KHDRBS2: variants seen among roughly 807,000 people sequenced by gnomAD.
KHDRBS2 encodes the protein KH RNA binding domain containing, signal transduction associated 2, also known as KH domain-containing, RNA-binding, signal transduction-associated protein 2.
Under a neutral mutation model 44.3 loss-of-function variants are expected in KHDRBS2, and 26 were observed. That is an observed-to-expected ratio of 0.59 (90% confidence interval 0.43 to 0.81). KHDRBS2 has a LOEUF of 0.81. Among genes scored for constraint, KHDRBS2 ranks in the 40% least tolerant of loss-of-function variants. The pLI, the probability that KHDRBS2 is intolerant of heterozygous loss-of-function variation, is 0.00. For synonymous variants in KHDRBS2, 194 were observed against 151.1 expected, an observed-to-expected ratio of 1.28 and a Z score of -2.08; for missense variants, 476 against 433.1, an observed-to-expected ratio of 1.10 and a Z score of -0.88.
intron 4 of KHDRBS2, among the ~76,000 whole-genome samples, chr6:61,928,960 G>T (rs1403417081): frequency 6.6e-6 from 1 of 151,980 alleles, no homozygotes; most frequent in Non-Finnish European, 1.5e-5. Flanking sequence ...CTCTTTGGTA[G>T]TGAAATTTGA....
intron 6 of KHDRBS2, among the ~76,000 whole-genome samples, chr6:61,807,013 T>G (rs1787271073): frequency 1.3e-5 from 2 of 152,040 alleles, no homozygotes; most frequent in Non-Finnish European, 2.9e-5. Flanking sequence ...TGAAACATAT[T>G]TTACTTTGTG....
the KHDRBS2 span, among the ~76,000 whole-genome samples, chr6:61,555,772 A>AC: frequency 6.6e-6 from 1 of 151,114 alleles, no homozygotes; most frequent in Non-Finnish European, 1.5e-5. Context: ...CTTCTGGTAG[A>AC]TTGTTTTTTG....
the KHDRBS2 span, among the ~76,000 whole-genome samples, chr6:61,667,153 T>G: frequency 1.3e-5 from 2 of 149,910 alleles, no homozygotes; most frequent in East Asian, 2.0e-4. Flanking sequence ...TTTTTTAAGA[T>G]GGAAGGACAA....
intron 4 of KHDRBS2, among the ~76,000 whole-genome samples, chr6:61,959,557 G>C (rs1010369280): frequency 6.6e-6 from 1 of 152,016 alleles, no homozygotes; most frequent in African/African-American, 2.4e-5. Context: ...AAAGTTAATA[G>C]GTAAGTCAAT....
At chr6:61,672,307 C>T in the KHDRBS2 span, among the ~76,000 whole-genome samples, 7 of 151,900 alleles carry the variant, frequency 4.6e-5, no homozygotes, top group East Asian at 1.9e-4. Context: ...AATAAACATA[C>T]GTGTGCATGT....
intron 6 of KHDRBS2, among the ~76,000 whole-genome samples, chr6:61,815,642 G>T (rs1391030076): frequency 6.6e-6 from 1 of 152,254 alleles, no homozygotes; most frequent in East Asian, 1.9e-4. Flanking sequence ...TGGAAATATG[G>T]CCTCTGTGAA....
the KHDRBS2 span, among the ~76,000 whole-genome samples, chr6:61,556,872 A>ATT: frequency 9.9e-4 from 87 of 87,490 alleles, 1 homozygote; most frequent in African/African-American, 2.6e-3. Context: ...TGAAATTGAG[A>ATT]TTTTTTTTTT....
intron 6 of KHDRBS2, among the ~76,000 whole-genome samples, chr6:61,810,318 T>C (rs1308183598): frequency 6.6e-6 from 1 of 152,008 alleles, no homozygotes; most frequent in Non-Finnish European, 1.5e-5. Flanking sequence ...GGTTGATGTG[T>C]GGTGTTGAGA....
the KHDRBS2 span, among the ~76,000 whole-genome samples, chr6:61,653,373 T>C: frequency 9.9e-5 from 15 of 152,102 alleles, no homozygotes; most frequent in African/African-American, 3.6e-4. Context: ...GTTACATGTT[T>C]GTTAGTAAAT....
intron 6 of KHDRBS2, among the ~76,000 whole-genome samples, chr6:61,741,564 C>A (rs528265475): frequency 4.0e-5 from 6 of 151,746 alleles, no homozygotes; most frequent in African/African-American, 1.4e-4. Context: ...TATAAATAGC[C>A]CTATCACCCA....
intron 2 of KHDRBS2, among the ~76,000 whole-genome samples, chr6:62,090,695 C>T (rs1799337644): frequency 6.6e-6 from 1 of 151,828 alleles, no homozygotes; most frequent in Non-Finnish European, 1.5e-5. Context: ...ATCCAAGAGT[C>T]TGATTTAAAA....
At chr6:62,034,379 A>G (rs1784877780) in intron 3 of KHDRBS2, among the ~76,000 whole-genome samples, 2 of 151,836 alleles carry the variant, frequency 1.3e-5, no homozygotes, top group South Asian at 2.1e-4. Flanking sequence ...GAAGAAAACC[A>G]CAGGATAATA....
At chr6:61,615,966 G>T in the KHDRBS2 span, among the ~76,000 whole-genome samples, 1 of 152,048 alleles carries the variant, frequency 6.6e-6, no homozygotes, top group Non-Finnish European at 1.5e-5. Context: ...TCTATGAAAA[G>T]GACATTAGGG....
At chr6:62,235,534 A>G (rs756552399) in intron 1 of KHDRBS2, among the ~76,000 whole-genome samples, 1 of 151,986 alleles carries the variant, frequency 6.6e-6, no homozygotes, top group South Asian at 2.1e-4. Flanking sequence ...CTGGGATCAG[A>G]TATTATGTAC....
intron 6 of KHDRBS2, among the ~76,000 whole-genome samples, chr6:61,743,343 G>A (rs1038437951): frequency 3.3e-5 from 5 of 152,024 alleles, no homozygotes; most frequent in African/African-American, 1.2e-4. Flanking sequence ...AATAATTTCA[G>A]GAGATCACAG....
intron 6 of KHDRBS2, among the ~76,000 whole-genome samples, chr6:61,858,932 T>G (rs1796528981): frequency 1.3e-5 from 2 of 151,890 alleles, no homozygotes; most frequent in South Asian, 4.1e-4. Context: ...TTGCAATTCA[T>G]AAATTTAAAA....
At chr6:62,095,702 C>T (rs763251064) in intron 2 of KHDRBS2, among the ~76,000 whole-genome samples, 2 of 151,750 alleles carry the variant, frequency 1.3e-5, no homozygotes, top group Non-Finnish European at 3.0e-5. Context: ...ATTTGTATAC[C>T]TTTTATTTCT....
intron 1 of KHDRBS2, among the ~76,000 whole-genome samples, chr6:62,180,242 T>C (rs776213946): frequency 2.6e-5 from 4 of 151,734 alleles, no homozygotes; most frequent in African/African-American, 4.8e-5. Context: ...ATAAGGAAAG[T>C]AAAAATAAAG....
chr6:61,550,365 G>A, the KHDRBS2 span, among the ~76,000 whole-genome samples: 3 of 152,082 alleles, frequency 2.0e-5, no homozygotes, highest in Non-Finnish European at 2.9e-5. Flanking sequence ...GCTGCAAAGG[G>A]CATGATCTCA....
Sources: gnomAD v4.1 joint callset for allele counts (sites outside exome capture counted in the v4.1 genomes callset) on GRCh38, gnomAD v4.1.1 for gene constraint, MANE v1.5 for transcripts, NCBI Gene and HGNC (gene_info 2026-07-23, HGNC 2026-07-21) for gene names.